Variants in GRM1 observed in about 807,000 individuals in gnomAD.
GRM1 encodes glutamate metabotropic receptor 1.
Under a neutral mutation model 90.9 loss-of-function variants are expected in GRM1, and 33 were observed. The observed-to-expected ratio is 0.36, with a 90% CI of 0.28 to 0.49. The LOEUF (loss-of-function observed/expected upper bound fraction) is 0.49, where lower values mean the gene tolerates loss of function less well. Among genes scored for constraint, GRM1 ranks in the 20% least tolerant of loss-of-function variants. The pLI is 0.99. For missense variants in GRM1, 1,190 were observed against 1,534.3 expected, an observed-to-expected ratio of 0.78 and a Z score of 3.75; for synonymous variants, 700 against 613.2, an observed-to-expected ratio of 1.14 and a Z score of -2.09.
intron 1 of GRM1, among the ~76,000 whole-genome samples, chr6:146,119,094 C>T (rs564552386): frequency 1.3e-5 from 2 of 152,218 alleles, no homozygotes; most frequent in African/African-American, 2.4e-5. Context: ...ACATCCTCTC[C>T]AGCACCTGTT....
chr6:146,104,306 G>A (rs1777151332), intron 1 of GRM1, among the ~76,000 whole-genome samples: 1 of 152,142 alleles, frequency 6.6e-6, no homozygotes, highest in African/African-American at 2.4e-5. Context: ...CAGGCGTGGT[G>A]GCGGGCGCCT....
At chr6:146,242,011 C>T (rs937139633) in intron 2 of GRM1, among the ~76,000 whole-genome samples, 1 of 152,026 alleles carries the variant, frequency 6.6e-6, no homozygotes, top group Non-Finnish European at 1.5e-5. Flanking sequence ...ACACAAGGAC[C>T]TGTTTATTGA....
intron 3 of GRM1, among the ~76,000 whole-genome samples, chr6:146,322,173 T>A (rs1784212663): frequency 6.6e-6 from 1 of 152,220 alleles, no homozygotes; most frequent in Non-Finnish European, 1.5e-5. Context: ...GCAGGTCTGC[T>A]GGAGTTTGCT....
chr6:146,058,015 T>C (rs149931698), intron 1 of GRM1, among the ~76,000 whole-genome samples: 296 of 152,214 alleles, frequency 1.9e-3, no homozygotes, highest in African/African-American at 6.0e-3. Context: ...TTGGATTTAC[T>C]TTTTTAAAAG....
intron 1 of GRM1, among the ~76,000 whole-genome samples, chr6:146,061,821 C>G (rs1404922293): frequency 6.6e-6 from 1 of 151,796 alleles, no homozygotes; most frequent in Non-Finnish European, 1.5e-5. Flanking sequence ...GTTAGAATGG[C>G]GATCATTAAA....
chr6:146,208,709 G>C (rs1779577251), intron 2 of GRM1, among the ~76,000 whole-genome samples: 1 of 151,980 alleles, frequency 6.6e-6, no homozygotes, highest in Non-Finnish European at 1.5e-5. Context: ...CACATAAACA[G>C]ACACACACAA....
chr6:146,370,644 G>A (rs1399553920), intron 5 of GRM1, among the ~76,000 whole-genome samples: 1 of 151,870 alleles, frequency 6.6e-6, no homozygotes, highest in Non-Finnish European at 1.5e-5. Flanking sequence ...TTGATTAATT[G>A]AATATATATA....
intron 7 of GRM1, among the ~76,000 whole-genome samples, chr6:146,404,833 A>G (rs979775): frequency 0.92 from 139,323 of 152,220 alleles, 63,915 homozygotes; most frequent in East Asian, 1. Flanking sequence ...ATCATCATGT[A>G]TAAGCTTTAG....
intron 2 of GRM1, among the ~76,000 whole-genome samples, chr6:146,204,807 G>T (rs186753844): frequency 6.6e-6 from 1 of 152,150 alleles, no homozygotes; most frequent in Non-Finnish European, 1.5e-5. Context: ...TTTTGTGCAC[G>T]CAGAGTTCTG....
At chr6:146,064,252 T>A (rs757982581) in intron 1 of GRM1, among the ~76,000 whole-genome samples, 73 of 152,330 alleles carry the variant, frequency 4.8e-4, no homozygotes, top group Admixed American at 7.8e-4. Flanking sequence ...TTTATGTGTA[T>A]CAAAAGTATA....
intron 3 of GRM1, among the ~76,000 whole-genome samples, chr6:146,325,651 A>G (rs1784376756): frequency 6.6e-6 from 1 of 152,322 alleles, no homozygotes; most frequent in Non-Finnish European, 1.5e-5. Flanking sequence ...CTGATCCAAC[A>G]TTCTTCACAA....
chr6:146,055,339 T>C (rs1775448292), intron 1 of GRM1, among the ~76,000 whole-genome samples: 1 of 152,122 alleles, frequency 6.6e-6, no homozygotes, highest in African/African-American at 2.4e-5. Flanking sequence ...AAGTCTTACA[T>C]ATTTTAATAT....
At chr6:146,125,373 G>C (rs549584231) in intron 1 of GRM1, among the ~76,000 whole-genome samples, 4 of 152,016 alleles carry the variant, frequency 2.6e-5, no homozygotes, top group African/African-American at 9.6e-5. Context: ...CTTTGTGTGG[G>C]TATAGCTGGT....
At chr6:146,263,247 G>C (rs1327516684) in intron 2 of GRM1, among the ~76,000 whole-genome samples, 1 of 151,760 alleles carries the variant, frequency 6.6e-6, no homozygotes, top group Non-Finnish European at 1.5e-5. Flanking sequence ...AAATATTTTT[G>C]TTACAGCCAT....
At chr6:146,178,924 A>T (rs1778434522) in intron 2 of GRM1, among the ~76,000 whole-genome samples, 1 of 152,306 alleles carries the variant, frequency 6.6e-6, no homozygotes, top group Admixed American at 6.5e-5. Flanking sequence ...CAAAGATGTT[A>T]ATCTACCCAC....
intron 3 of GRM1, among the ~76,000 whole-genome samples, chr6:146,332,551 A>T (rs1374532723): frequency 6.6e-6 from 1 of 152,174 alleles, no homozygotes; most frequent in Non-Finnish European, 1.5e-5. Context: ...TGTTTCTCTA[A>T]TCCCAGGCAG....
At position 146,220,907 on chromosome 6, in the gene GRM1, T is replaced by C. The variant is rs568965503; in HGVS notation, c.950+61310T>C. ...GAGCTGGGATGAGGTGAAAGTGTTA[T>C]AGGAAGAAGAAATAGCATGTGCATA... On this transcript the variant is annotated intron_variant, in intron 2 of 7. Coordinates refer to ENST00000282753, the MANE Select transcript of GRM1 (RefSeq NM_001278064.2). 2.6e-5 allele frequency among the ~76,000 whole-genome samples: 4 copies of C among 151,934 alleles called. No homozygotes were observed. In the East Asian group the frequency reaches 7.8e-4, roughly 29 times the overall value.
chr6:146,306,932 T>A (rs2114931475), intron 3 of GRM1, among the ~76,000 whole-genome samples: 2 of 152,318 alleles, frequency 1.3e-5, no homozygotes, highest in Middle Eastern at 6.8e-3. Flanking sequence ...TTGGATAAAT[T>A]AAGTCTGAGA....
At chr6:146,182,449 A>C (rs1778583538) in intron 2 of GRM1, among the ~76,000 whole-genome samples, 1 of 152,162 alleles carries the variant, frequency 6.6e-6, no homozygotes, top group Non-Finnish European at 1.5e-5. Context: ...CTGTACATGC[A>C]GTGCTATCTG....
Sources: allele counts gnomAD v4.1 joint callset (sites outside exome capture counted in the v4.1 genomes callset), GRCh38; gene constraint gnomAD v4.1.1; transcripts MANE v1.5; gene names NCBI Gene and HGNC (gene_info 2026-07-23, HGNC 2026-07-21).